The following MIA2 variants were observed in gnomAD, a reference collection of about 807,000 sequenced individuals.
The protein encoded by MIA2 is melanoma inhibitory activity protein 2.
Under a neutral mutation model 167.8 loss-of-function variants are expected in MIA2, and 127 were observed. That is an observed-to-expected ratio of 0.76 (90% CI 0.66 to 0.88). The LOEUF is 0.88. Among genes scored for constraint, MIA2 ranks in the 40% least tolerant of loss-of-function variants. The pLI is 0.00. For synonymous variants in MIA2, 552 were observed against 541.9 expected, an observed-to-expected ratio of 1.02 and a Z score of -0.26; for missense variants, 1,690 against 1,624.7, an observed-to-expected ratio of 1.04 and a Z score of -0.69.
rs553937828 is a variant in MIA2 at position 39,288,204 on chromosome 14, A to G, written c.2131-2815A>G. Among the ~76,000 whole-genome samples the G allele has an allele frequency of 1.3e-3, 194 of 151,846 alleles. 1 individual carries two copies. Among genetic ancestry groups the G allele is most frequent in the Non-Finnish European group, 2.2e-3 (147 of 67,954 alleles). ...GGGCTGGACGTGAGGGTGTGTGCCT[A>G]TAGTCCCACCTACTTGGGAGCATGA... is the stretch of plus-strand genomic sequence containing the variant. On this transcript the variant is annotated intron_variant, in intron 9 of 28. Coordinates refer to ENST00000640607, the MANE Select transcript of MIA2 (RefSeq NM_001329214.4).
In MIA2 at chr14:39,304,299, T is replaced by G; in HGVS notation, c.2796T>G (p.Ala932=). Residue 932 remains alanine (A), a synonymous_variant, in exon 17 of 29, where the codon GCT becomes GCG. Coordinates refer to ENST00000640607, the MANE Select transcript of MIA2 (RefSeq NM_001329214.4). ...TCTTCCCTTCTTTAAAGTTAAATGC[T>G]TCTTTAAAAACCTTAGAAGGAGAAA... The part of the protein sequence containing the change: ...KKLIHAAKLN[A]SLKTLEGERN... The G allele has an allele frequency of 6.8e-7, 1 of 1,462,386 alleles. No individual in the cohort carries two copies. The highest frequency in any genetic ancestry group is 9.4e-7 in the Non-Finnish European group (1 of 1,067,720). 90.6% of individuals were successfully genotyped at this position (1,462,386 alleles called of 1,614,324 possible).
In MIA2 at chr14:39,343,664, A is replaced by G. The variant is rs185919433; in HGVS notation, c.3656-2240A>G. 1.1e-4 allele frequency among the ~76,000 whole-genome samples: 16 copies of G among 152,160 alleles called. No homozygotes were observed. The East Asian group carries it at 2.9e-3, about 28-fold the overall frequency. ...TCTTCTATTATAAGCGTAGAATACTATTATAGAAAACAAAAGTTTGAAAGC... is the reference window on the plus strand; with the variant it reads ...TCTTCTATTATAAGCGTAGAATACTGTTATAGAAAACAAAAGTTTGAAAGC... On this transcript the variant is annotated intron_variant, in intron 25 of 28. Transcript: ENST00000640607.
Position 39,277,690 on chromosome 14 carries a change from GTGTATA to G in MIA2, c.2019+627_2019+632del, listed in dbSNP as rs1409149682. ...AGATCTTTTATATATATATATATGT[GTGTATA>G]TATATATATATATATATATGTGTGT... On this transcript the variant is annotated intron_variant, in intron 7 of 28. Transcript: ENST00000640607. Among the ~76,000 whole-genome samples the G allele has an allele frequency of 5.2e-3, 23 of 4,416 alleles. 5 individuals are homozygous for G. Among genetic ancestry groups the G allele is most frequent in the African/African-American group, 0.024 (22 of 924 alleles). 2.9% of individuals were successfully genotyped at this position (4,416 alleles called of 152,430 possible).
intron 23 of MIA2, among the ~76,000 whole-genome samples, chr14:39,366,059 T>C (rs2074816178): frequency 1.3e-5 from 2 of 152,192 alleles, no homozygotes; most frequent in South Asian, 4.1e-4. Context: ...CATGCAGTAG[T>C]GTAGTCTCTA....
chr14:39,253,072 A>C lies in MIA2; in HGVS notation c.1788A>C (p.Glu596Asp). ...ATATTTTTATTTATAAATCAACAGA[A>C]GATGCTTCTGAGTTTCAGATTCTGA... ...LSSQNYISQK[E>D]DASEFQILKY... The change falls in exon 6 of 29, where the codon GAA (glutamate) becomes GAC (aspartate). Residue 596 changes from glutamate (E) to aspartate (D), a missense_variant and splice_region_variant. Coordinates refer to ENST00000640607, the MANE Select transcript of MIA2 (RefSeq NM_001329214.4). 6.3e-7 allele frequency: 1 copy of C among 1,587,216 alleles called. No homozygotes were observed. The highest frequency in any genetic ancestry group is 8.6e-7 in the Non-Finnish European group (1 of 1,166,816).
intron 25 of MIA2, among the ~76,000 whole-genome samples, chr14:39,338,454 G>A (rs183568215): frequency 4.6e-5 from 7 of 152,238 alleles, no homozygotes; most frequent in Non-Finnish European, 1.0e-4. Flanking sequence ...TTTGAGCACA[G>A]TGATATAACT....
chr14:39,248,180 T>G, intron 4 of MIA2, 39 bp downstream of exon 4: 2 of 1,270,570 alleles, frequency 1.6e-6, no homozygotes, highest in African/African-American at 3.1e-5. Flanking sequence ...TTATTTTATT[T>G]TTAAACATAA....
intron 9 of MIA2, among the ~76,000 whole-genome samples, chr14:39,280,157 G>A (rs2058711359): frequency 6.6e-6 from 1 of 152,076 alleles, no homozygotes; most frequent in Non-Finnish European, 1.5e-5. Context: ...ATCTTCTTAA[G>A]TCACTGAATA....
At chr14:39,310,163 G>A (rs1188200520) in intron 18 of MIA2, among the ~76,000 whole-genome samples, 2 of 152,096 alleles carry the variant, frequency 1.3e-5, no homozygotes, top group Non-Finnish European at 2.9e-5. Context: ...AATTTGAGTT[G>A]CCCAATGTGC....
At chr14:39,336,735 A>T (rs928324043) in intron 25 of MIA2, among the ~76,000 whole-genome samples, 4 of 152,128 alleles carry the variant, frequency 2.6e-5, no homozygotes, top group Admixed American at 2.6e-4. Flanking sequence ...TTTTAGTGTG[A>T]TTTTAAAAAT....
Position 39,348,955 on chromosome 14 carries a change from T to C in MIA2, c.4050T>C (p.Gly1350=). 6.2e-7 allele frequency: 1 copy of C among 1,613,768 alleles called. No individual in the cohort carries two copies. Among genetic ancestry groups the C allele is most frequent in the Non-Finnish European group, 8.5e-7 (1 of 1,179,658 alleles). Residue 1350 remains glycine (G), a synonymous_variant, in exon 28 of 29, where the codon GGT becomes GGC. Coordinates refer to ENST00000640607, the MANE Select transcript of MIA2 (RefSeq NM_001329214.4). ...RDYFPPGDFP[G]PPPAPFAMRN... is the part of the protein sequence containing the mutation. ...ATTTTCCACCAGGGGATTTCCCAGG[T>C]CCACCACCTGCTCCATTTGCAAGTA...
At position 39,379,787 on chromosome 14, in the gene MIA2, G is replaced by A. The variant is rs2075116816; in HGVS notation, c.2249-7098G>A. The stretch of plus-strand genomic sequence containing the variant: ...AATTGCTTGATCCTGGGAGGCAGAG[G>A]TTGAAGTAAGCCAAGTCACACCACT... On this transcript the variant is annotated intron_variant, in intron 23 of 23. Transcript: ENST00000341502. Among the ~76,000 whole-genome samples the A allele has an allele frequency of 2.0e-5, 3 of 152,196 alleles. No individual in the cohort carries two copies. The South Asian group carries it at 6.2e-4, about 32-fold the overall frequency.
At chr14:39,337,494 A>G (rs1335369535) in intron 25 of MIA2, among the ~76,000 whole-genome samples, 6 of 152,238 alleles carry the variant, frequency 3.9e-5, no homozygotes, top group Non-Finnish European at 8.8e-5. Flanking sequence ...GTGTTTTTAA[A>G]GTAGCAGTGG....
intron 9 of MIA2, 132 bp downstream of exon 9, chr14:39,279,669 A>G (rs1566697457): frequency 1.6e-6 from 1 of 619,752 alleles, no homozygotes; most frequent in Non-Finnish European, 2.8e-6. Flanking sequence ...TTTGCTCTTC[A>G]TATTCAACAC....
At chr14:39,347,615 A>G in intron 26 of MIA2, 98 bp from the exon 27 acceptor site, 1 of 1,237,092 alleles carries the variant, frequency 8.1e-7, no homozygotes, top group Middle Eastern at 1.9e-4. Context: ...TTATGTGCCA[A>G]CAAGGGGAGT....
At chr14:39,282,885 C>G (rs557833312) in intron 9 of MIA2, among the ~76,000 whole-genome samples, 13 of 152,292 alleles carry the variant, frequency 8.5e-5, no homozygotes, top group African/African-American at 3.1e-4. Flanking sequence ...ATTTTCTGAC[C>G]TACATGTTTC....
chr14:39,239,991 C>T (rs1424379192), intron 2 of MIA2, among the ~76,000 whole-genome samples: 2 of 152,204 alleles, frequency 1.3e-5, no homozygotes, highest in African/African-American at 4.8e-5. Context: ...CCTTGGGGCA[C>T]AATCTGCCTG....
intron 21 of MIA2, 93 bp downstream of exon 21, chr14:39,315,811 A>C: frequency 2.4e-6 from 2 of 832,242 alleles, no homozygotes; most frequent in East Asian, 5.6e-5. Flanking sequence ...AAATAAATAT[A>C]GTATTCTAAA....
chr14:39,315,367 T>A (rs975330598), intron 20 of MIA2: 3 of 216,606 alleles, frequency 1.4e-5, no homozygotes, highest in Non-Finnish European at 2.7e-5. Flanking sequence ...GAAGGTAGAT[T>A]GCATCACATA....
Sources: gnomAD v4.1 joint callset for allele counts (sites outside exome capture counted in the v4.1 genomes callset) on GRCh38, gnomAD v4.1.1 for gene constraint, MANE v1.5 for transcripts, NCBI Gene and HGNC (gene_info 2026-07-23, HGNC 2026-07-21) for gene names.